AKAP7: variants seen among roughly 807,000 people sequenced by gnomAD.
The protein encoded by AKAP7 is A-kinase anchoring protein 7, also known as A kinase (PRKA) anchor protein 7.
AKAP7 carries 39 observed loss-of-function variants against 39.5 expected under a neutral mutation model. That is an observed-to-expected ratio of 0.99 (90% CI 0.76 to 1.29). The LOEUF (loss-of-function observed/expected upper bound fraction) is 1.29. Among genes scored for constraint, AKAP7 ranks in the 50% most tolerant of loss-of-function variants. The pLI, the probability that AKAP7 is intolerant of heterozygous loss-of-function variation, is 0.00. For synonymous variants in AKAP7, 140 were observed against 139.1 expected, an observed-to-expected ratio of 1.01 and a Z score of -0.05; for missense variants, 414 against 407.7, an observed-to-expected ratio of 1.02 and a Z score of -0.13.
Position 131,202,830 on chromosome 6 carries a change from T to G in AKAP7, c.702+3257T>G, listed in dbSNP as rs931430764. ...CATTTTCAGTAAGCCAAATAAGAAT[T>G]TTTTATTTTAATTTATGGAATGAGT... is the stretch of plus-strand genomic sequence containing the variant. On this transcript the variant is annotated intron_variant, in intron 6 of 7. Transcript: ENST00000431975. 5.3e-5 allele frequency among the ~76,000 whole-genome samples: 8 copies of G among 152,068 alleles called. 1 individual carries two copies. The highest frequency in any genetic ancestry group is 1.9e-4 in the African/African-American group (8 of 41,402).
At chr6:131,172,137 T>A (rs1428189691) in intron 5 of AKAP7, among the ~76,000 whole-genome samples, 1 of 152,160 alleles carries the variant, frequency 6.6e-6, no homozygotes, top group East Asian at 1.9e-4. Context: ...TTAGGTTGCA[T>A]AGGAGAAACT....
At chr6:131,130,738 G>A (rs918887054), upstream of AKAP7, among the ~76,000 whole-genome samples, 22 of 152,328 alleles carry the variant, frequency 1.4e-4, no homozygotes, top group African/African-American at 4.6e-4. Context: ...ACTCAGTGAA[G>A]CAAGGGCTGG....
intron 6 of AKAP7, among the ~76,000 whole-genome samples, chr6:131,202,426 A>G (rs1807665319): frequency 6.7e-6 from 1 of 150,266 alleles, no homozygotes; most frequent in Admixed American, 6.7e-5. Context: ...AATACTATGC[A>G]GCCATAAAAA....
chr6:131,282,896 C>T lies in AKAP7; in HGVS notation c.*1170C>T, dbSNP rs1815313164. ...TCGGGTCCTTGCAGAAAAAAACATA[C>T]AGACTGTGAACAAATCATTCACAAA... On this transcript the variant is annotated 3_prime_UTR_variant, in exon 8 of 8. Transcript: ENST00000431975. 2 of 272,492 alleles carry T rather than the reference C, an allele frequency of 7.3e-6. No homozygotes were observed. The highest frequency in any genetic ancestry group is 1.5e-4 in the East Asian group (2 of 13,628). The allele number at this position is 272,492 out of a possible 1,614,324, so 16.9% of individuals were successfully genotyped here.
At chr6:131,145,831 G>C (rs770742904) in intron 2 of AKAP7, among the ~76,000 whole-genome samples, 1 of 152,130 alleles carries the variant, frequency 6.6e-6, no homozygotes, top group Non-Finnish European at 1.5e-5. Context: ...TGGGATTACA[G>C]ATGTGAATGA....
chr6:131,262,618 AAT>A (rs540139135), intron 7 of AKAP7, among the ~76,000 whole-genome samples: 5 of 151,766 alleles, frequency 3.3e-5, no homozygotes, highest in African/African-American at 1.2e-4. Flanking sequence ...TTTTTAAAAA[AAT>A]ATATATATAT....
chr6:131,197,841 A>G (rs1807098803), intron 5 of AKAP7, among the ~76,000 whole-genome samples: 2 of 152,198 alleles, frequency 1.3e-5, no homozygotes, highest in South Asian at 4.1e-4. Context: ...TAAGAGAGAA[A>G]GTAGGACCAG....
chr6:131,140,273 T>G lies in AKAP7; in HGVS notation c.19+4491T>G, dbSNP rs371384788. On this transcript the variant is annotated intron_variant, in intron 1 of 7. Transcript: ENST00000431975. ...CACACATGCGTTCTAGTGATTTTTTTTTTTTAAAGCTCTGCAGGTGATTCT... is the reference window on the plus strand; with the variant it reads ...CACACATGCGTTCTAGTGATTTTTTGTTTTTAAAGCTCTGCAGGTGATTCT... Among the ~76,000 whole-genome samples, 842 of 152,290 alleles carry G rather than the reference T, an allele frequency of 5.5e-3. 8 individuals carry two copies. Among genetic ancestry groups the G allele is most frequent in the African/African-American group, 0.019 (802 of 41,548 alleles).
intron 2 of AKAP7, among the ~76,000 whole-genome samples, chr6:131,146,856 T>C (rs1266870305): frequency 6.6e-6 from 1 of 152,254 alleles, no homozygotes; most frequent in Non-Finnish European, 1.5e-5. Flanking sequence ...TGAACATTTA[T>C]AGCCAGGCAT....
intron 7 of AKAP7, among the ~76,000 whole-genome samples, chr6:131,267,627 GCA>G: frequency 6.6e-6 from 1 of 152,226 alleles, no homozygotes; most frequent in East Asian, 1.9e-4. Flanking sequence ...CTTAACCAGA[GCA>G]AGTTTTGCTG....
chr6:131,271,026 T>G (rs2128334664), intron 7 of AKAP7, among the ~76,000 whole-genome samples: 1 of 152,336 alleles, frequency 6.6e-6, no homozygotes, highest in East Asian at 1.9e-4. Context: ...GATTGCCTTT[T>G]GTTTTCTAAC....
intron 7 of AKAP7, among the ~76,000 whole-genome samples, chr6:131,234,879 AT>A (rs764381764): frequency 6.6e-6 from 1 of 150,886 alleles, no homozygotes; most frequent in East Asian, 1.9e-4. Flanking sequence ...ATGATCAGTG[AT>A]TTTTTTATTT....
At chr6:131,276,774 G>T (rs1159416444) in intron 7 of AKAP7, among the ~76,000 whole-genome samples, 1 of 152,162 alleles carries the variant, frequency 6.6e-6, no homozygotes, top group African/African-American at 2.4e-5. Context: ...GTATTGTAAT[G>T]AAGATTTTTC....
chr6:131,177,336 C>T (rs1429785209), intron 5 of AKAP7, among the ~76,000 whole-genome samples: 1 of 152,048 alleles, frequency 6.6e-6, no homozygotes, highest in Non-Finnish European at 1.5e-5. Flanking sequence ...CTGGCTGGCT[C>T]CCGGTGAGAA....
At chr6:131,238,295 T>C (rs779131915) in intron 7 of AKAP7, among the ~76,000 whole-genome samples, 6 of 152,212 alleles carry the variant, frequency 3.9e-5, no homozygotes, top group Admixed American at 6.5e-5. Context: ...TTCTGTTCTT[T>C]TACATTTGCT....
intron 6 of AKAP7, among the ~76,000 whole-genome samples, chr6:131,201,112 A>G (rs762199074): frequency 6.6e-6 from 1 of 152,180 alleles, no homozygotes; most frequent in Non-Finnish European, 1.5e-5. Context: ...AATGGTTGTG[A>G]TGTAACTGAG....
At chr6:131,203,263 A>AT (rs1410402634) in intron 6 of AKAP7, among the ~76,000 whole-genome samples, 1 of 152,078 alleles carries the variant, frequency 6.6e-6, no homozygotes, top group African/African-American at 2.4e-5. Context: ...ACGTTTTTAC[A>AT]TTTCCAGCTA....
intron 2 of AKAP7, 59 bp from the exon 3 acceptor site, chr6:131,160,000 C>A: frequency 7.8e-7 from 1 of 1,275,930 alleles, no homozygotes; most frequent in Non-Finnish European, 1.1e-6. Context: ...GTTTTTTTTT[C>A]TGACTGTATT....
chr6:131,224,205 C>T (rs1418443684), intron 7 of AKAP7, among the ~76,000 whole-genome samples: 2 of 152,150 alleles, frequency 1.3e-5, no homozygotes, highest in Non-Finnish European at 2.9e-5. Context: ...GTTTAATGTA[C>T]ACTAGAGTTC....
Sources: gnomAD v4.1 joint callset for allele counts (sites outside exome capture counted in the v4.1 genomes callset) on GRCh38, gnomAD v4.1.1 for gene constraint, MANE v1.5 for transcripts, NCBI Gene and HGNC (gene_info 2026-07-23, HGNC 2026-07-21) for gene names.